The following FANCC variants were observed in gnomAD, a reference collection of about 807,000 sequenced individuals.
FANCC encodes FA complementation group C, also known as Fanconi anemia group C protein.
In FANCC, 55 loss-of-function variants were observed where a neutral mutation model predicts 71.3. That is an observed-to-expected ratio of 0.77 (90% CI 0.62 to 0.97). The LOEUF (loss-of-function observed/expected upper bound fraction) is 0.97. FANCC is among the 50% of genes least tolerant of loss of function. FANCC has a pLI of 0.00. For synonymous variants in FANCC, 275 were observed against 244.9 expected, an observed-to-expected ratio of 1.12 and a Z score of -1.15; for missense variants, 678 against 670.9, an observed-to-expected ratio of 1.01 and a Z score of -0.12.
intron 13 of FANCC, among the ~76,000 whole-genome samples, chr9:95,110,025 T>A (rs2071778887): frequency 6.6e-6 from 1 of 152,202 alleles, no homozygotes; most frequent in African/African-American, 2.4e-5. Flanking sequence ...TGGATTGAAC[T>A]GCCAGGCAGA....
intron 6 of FANCC, among the ~76,000 whole-genome samples, chr9:95,169,748 T>G (rs1277355930): frequency 6.6e-6 from 1 of 152,248 alleles, no homozygotes; most frequent in Non-Finnish European, 1.5e-5. Flanking sequence ...TATAATTTTT[T>G]GGGATGTATG....
chr9:95,258,053 C>T (rs894882817), intron 1 of FANCC, among the ~76,000 whole-genome samples: 3 of 152,064 alleles, frequency 2.0e-5, no homozygotes, highest in African/African-American at 7.2e-5. Flanking sequence ...AATTAATAGC[C>T]TACCAACCAA....
At chr9:95,283,076 T>G (rs1017992203) in intron 1 of FANCC, among the ~76,000 whole-genome samples, 2 of 152,154 alleles carry the variant, frequency 1.3e-5, no homozygotes, top group Non-Finnish European at 2.9e-5. Context: ...TATGAGAAAC[T>G]TGTTTTGTTG....
At chr9:95,168,804 A>C (rs1021808283) in intron 6 of FANCC, among the ~76,000 whole-genome samples, 2 of 152,194 alleles carry the variant, frequency 1.3e-5, no homozygotes, top group Non-Finnish European at 2.9e-5. Flanking sequence ...GCTGGGATTA[A>C]AGGCATGTGC....
At chr9:95,214,400 C>G (rs945040809) in intron 4 of FANCC, among the ~76,000 whole-genome samples, 1 of 152,068 alleles carries the variant, frequency 6.6e-6, no homozygotes, top group Non-Finnish European at 1.5e-5. Flanking sequence ...TTACTGCACT[C>G]TAGCCTGGGA....
intron 1 of FANCC, among the ~76,000 whole-genome samples, chr9:95,253,543 T>C (rs560545117): frequency 4.6e-5 from 7 of 152,362 alleles, no homozygotes; most frequent in African/African-American, 1.7e-4. Context: ...ACAGGTAAAG[T>C]GCATTTTTCT....
At chr9:95,223,486 C>T (rs146885533) in intron 4 of FANCC, among the ~76,000 whole-genome samples, 2 of 152,244 alleles carry the variant, frequency 1.3e-5, no homozygotes, top group East Asian at 1.9e-4. Flanking sequence ...CTTAACTAAT[C>T]GCTTCTGCAA....
chr9:95,111,463 CAT>C lies in FANCC; in HGVS notation c.1327_1328del (p.Met443GlyfsTer74), dbSNP rs2134546063. 6.2e-7 allele frequency: 1 copy of C among 1,612,368 alleles called. No homozygotes were observed. Among genetic ancestry groups the C allele is most frequent in the Non-Finnish European group, 8.5e-7 (1 of 1,179,968 alleles). On this transcript the variant is annotated frameshift_variant and splice_region_variant, in exon 13 of 15. Coordinates refer to ENST00000289081, the MANE Select transcript of FANCC (RefSeq NM_000136.3). LOFTEE classifies it high-confidence loss of function. ...ACATGCAGTGGGGCCTGCTACCCAC[CAT>C]AGTCTGTGCTCTCTGCTGCCTCCCA... ...RDGRQQRAQTMVQVKAVLGHL... is the reference protein window; with the variant it reads ...RDGRQQRAQTXVQVKAVLGHL...
intron 1 of FANCC, among the ~76,000 whole-genome samples, chr9:95,267,935 A>G (rs1832484548): frequency 6.6e-6 from 1 of 152,182 alleles, no homozygotes; most frequent in South Asian, 2.1e-4. Flanking sequence ...GTCTTGACAA[A>G]ACACACTGCA....
chr9:95,257,169 T>A (rs567779459), intron 1 of FANCC, among the ~76,000 whole-genome samples: 7 of 152,280 alleles, frequency 4.6e-5, no homozygotes, highest in Admixed American at 3.3e-4. Context: ...TGAACTCAGC[T>A]CTGGACCAAG....
rs186782889 is a variant in FANCC at position 95,162,899 on chromosome 9, T to G, written c.521+8180A>C. ...AAGGTTTGAAAATATTTTCTCCCAT[T>G]ACATAGGCTGCTTTTTAATCTGTTG... On this transcript the variant is annotated intron_variant, in intron 6 of 14. Coordinates refer to ENST00000289081, the MANE Select transcript of FANCC (RefSeq NM_000136.3). 1.2e-3 allele frequency among the ~76,000 whole-genome samples: 188 copies of G among 152,358 alleles called. 2 individuals carry two copies. Among genetic ancestry groups the G allele is most frequent in the African/African-American group, 4.4e-3 (183 of 41,582 alleles).
intron 4 of FANCC, among the ~76,000 whole-genome samples, chr9:95,193,904 T>C (rs1827256217): frequency 6.6e-6 from 1 of 152,146 alleles, no homozygotes; most frequent in Admixed American, 6.5e-5. Context: ...ATACCAGGCA[T>C]AAAGGTGAGG....
At chr9:95,264,740 G>A (rs187286370) in intron 1 of FANCC, among the ~76,000 whole-genome samples, 170 of 152,178 alleles carry the variant, frequency 1.1e-3, no homozygotes, top group African/African-American at 3.8e-3. Flanking sequence ...CAAATACTTA[G>A]CTTCCAATCA....
At chr9:95,172,720 G>A (rs1197100092) in intron 4 of FANCC, among the ~76,000 whole-genome samples, 1 of 151,958 alleles carries the variant, frequency 6.6e-6, no homozygotes, top group Non-Finnish European at 1.5e-5. Context: ...TTCTCACCGG[G>A]TATTATTCAT....
At chr9:95,268,318 T>A (rs1295514375) in intron 1 of FANCC, among the ~76,000 whole-genome samples, 2 of 152,256 alleles carry the variant, frequency 1.3e-5, no homozygotes, top group Non-Finnish European at 2.9e-5. Flanking sequence ...TTCACCATCA[T>A]GGTATCACAA....
At chr9:95,197,245 A>G (rs2135779891) in intron 4 of FANCC, among the ~76,000 whole-genome samples, 1 of 152,324 alleles carries the variant, frequency 6.6e-6, no homozygotes, top group African/African-American at 2.4e-5. Flanking sequence ...AAGTTAAAAA[A>G]GCCAACTATA....
At chr9:95,216,290 T>C (rs577687557) in intron 4 of FANCC, among the ~76,000 whole-genome samples, 115 of 152,338 alleles carry the variant, frequency 7.5e-4, no homozygotes, top group African/African-American at 2.6e-3. Context: ...ATCAAGAAGA[T>C]GTAACAATTC....
intron 1 of FANCC, among the ~76,000 whole-genome samples, chr9:95,260,419 T>C (rs2075267245): frequency 6.6e-6 from 1 of 152,190 alleles, no homozygotes; most frequent in African/African-American, 2.4e-5. Context: ...AAGCCGTCAT[T>C]CTCAGCAACC....
At position 95,178,894 on chromosome 9, in the gene FANCC, T is replaced by C. The variant is rs558142544; in HGVS notation, c.346-6747A>G. Among the ~76,000 whole-genome samples the C allele has an allele frequency of 9.2e-5, 14 of 152,366 alleles. No homozygotes were observed. The East Asian group carries it at 2.1e-3, about 23-fold the overall frequency. ...CAAATGACTGAATTTTGGGTAACTCTGTAAAAGCCACTTATGGGTGTAAAG... is the reference window on the plus strand; with the variant it reads ...CAAATGACTGAATTTTGGGTAACTCCGTAAAAGCCACTTATGGGTGTAAAG... On this transcript the variant is annotated intron_variant, in intron 4 of 14. Transcript: ENST00000289081.
Sources: gnomAD v4.1 joint callset for allele counts (sites outside exome capture counted in the v4.1 genomes callset) on GRCh38, gnomAD v4.1.1 for gene constraint, MANE v1.5 for transcripts, NCBI Gene and HGNC (gene_info 2026-07-23, HGNC 2026-07-21) for gene names.